Variants in FAM184A observed in about 807,000 individuals in gnomAD.
FAM184A encodes the protein protein FAM184A.
Under a neutral mutation model 143.8 loss-of-function variants are expected in FAM184A, and 99 were observed. The ratio of observed to expected loss-of-function variants is 0.69; its 90% CI spans 0.58 to 0.81. FAM184A has a LOEUF of 0.81. Among genes scored for constraint, FAM184A ranks in the 40% least tolerant of loss-of-function variants. The probability of loss-of-function intolerance (pLI) is 0.00; values close to 1 mark genes in which losing one functional copy is unlikely to be tolerated. For missense variants in FAM184A, 1,217 were observed against 1,310.5 expected (o/e 0.93, Z 1.10); for synonymous variants, 427 against 446.4 (o/e 0.96, Z 0.55).
rs778946231 is a variant in FAM184A at position 119,011,329 on chromosome 6, A to G, written c.1633T>C (p.Leu545=). 1 of 1,609,062 alleles carries G rather than the reference A, an allele frequency of 6.2e-7. No homozygotes were observed. The highest frequency in any genetic ancestry group is 1.1e-5 in the South Asian group (1 of 89,924). Residue 545 remains leucine (L), a synonymous_variant, in exon 6 of 18, where the codon TTG becomes CTG. Transcript: ENST00000338891. ...ENLKEVLEDK[L]NTANQEIGHL... is the part of the protein sequence containing the mutation. ...CTTGCCTCTTGATTGGCTGTATTCA[A>G]CTTGTCTTCCAGTACTTCCTTTAGG...
chr6:119,091,406 C>A (rs1788363378), intron 1 of FAM184A, among the ~76,000 whole-genome samples: 1 of 152,150 alleles, frequency 6.6e-6, no homozygotes, highest in African/African-American at 2.4e-5. Flanking sequence ...AAATCCTAAT[C>A]ATGCAGAGTA....
At chr6:118,985,124 A>G (rs1379922143) in intron 9 of FAM184A, among the ~76,000 whole-genome samples, 1 of 152,160 alleles carries the variant, frequency 6.6e-6, no homozygotes, top group Non-Finnish European at 1.5e-5. Context: ...TCTTACCTAG[A>G]TCATGTGTAA....
intron 9 of FAM184A, among the ~76,000 whole-genome samples, chr6:118,995,698 CTTAATACT>C (rs1450320903): frequency 3.3e-5 from 5 of 152,108 alleles, no homozygotes; most frequent in Non-Finnish European, 7.4e-5. Context: ...TTAGGTTATG[CTTAATACT>C]TTTTCTCAGA....
At chr6:119,140,177 C>T (rs1772173580) in intron 1 of FAM184A, among the ~76,000 whole-genome samples, 2 of 152,144 alleles carry the variant, frequency 1.3e-5, no homozygotes, top group Non-Finnish European at 2.9e-5. Context: ...CAAGGTCATC[C>T]AGGAGGAAAA....
At chr6:119,078,925 T>C (rs1787982717), upstream of FAM184A, 1 of 152,738 alleles carries the variant, frequency 6.5e-6, no homozygotes. The surrounding 1 kb of genome is among the most constrained non-coding windows in gnomAD (Gnocchi z 5.5). Flanking sequence ...AGCCCAGCCC[T>C]GGCGGCGATC....
chr6:119,132,121 A>C (rs1181180145), intron 1 of FAM184A, among the ~76,000 whole-genome samples: 1 of 152,196 alleles, frequency 6.6e-6, no homozygotes, highest in African/African-American at 2.4e-5. Context: ...TCCCCCATAA[A>C]ACATTCCTTC....
intron 5 of FAM184A, 42 bp downstream of exon 5, chr6:119,016,705 T>C (rs1308417818): frequency 6.5e-7 from 1 of 1,528,132 alleles, no homozygotes; most frequent in Non-Finnish European, 9.1e-7. Context: ...TACAGAAATA[T>C]CATCAATTTA....
intron 1 of FAM184A, among the ~76,000 whole-genome samples, chr6:119,121,376 G>A (rs1789208144): frequency 6.6e-6 from 1 of 152,118 alleles, no homozygotes; most frequent in East Asian, 1.9e-4. Flanking sequence ...AGCTCAAGCA[G>A]TCAGCCCACC....
intron 12 of FAM184A, among the ~76,000 whole-genome samples, chr6:118,975,568 A>G (rs1783821695): frequency 6.6e-6 from 1 of 152,224 alleles, no homozygotes; most frequent in Admixed American, 6.5e-5. Context: ...ATTTTGAAGA[A>G]TAATTGTGGC....
chr6:119,138,122 T>G (rs1225901279), intron 1 of FAM184A, among the ~76,000 whole-genome samples: 3 of 152,200 alleles, frequency 2.0e-5, no homozygotes, highest in African/African-American at 7.2e-5. Flanking sequence ...TGATACATAC[T>G]ATGAAGGAAA....
chr6:119,119,935 G>A (rs1210257601), intron 1 of FAM184A, among the ~76,000 whole-genome samples: 1 of 152,204 alleles, frequency 6.6e-6, no homozygotes, highest in Non-Finnish European at 1.5e-5. Context: ...AGTGAGCCAT[G>A]ATTGTGCCGC....
intron 1 of FAM184A, among the ~76,000 whole-genome samples, chr6:119,028,048 T>A (rs917452761): frequency 6.6e-6 from 1 of 152,188 alleles, no homozygotes; most frequent in African/African-American, 2.4e-5. Context: ...TTGTATTGAT[T>A]TATGATTTTG....
chr6:119,037,735 C>T (rs1444911154), intron 1 of FAM184A, among the ~76,000 whole-genome samples: 1 of 152,026 alleles, frequency 6.6e-6, no homozygotes, highest in African/African-American at 2.4e-5. Context: ...TTTCTTTTTG[C>T]GTTTTATACT....
intron 1 of FAM184A, among the ~76,000 whole-genome samples, chr6:119,113,242 C>T (rs1173057656): frequency 6.6e-6 from 1 of 152,182 alleles, no homozygotes; most frequent in Admixed American, 6.5e-5. Flanking sequence ...AACATTACAA[C>T]TGTGGCCAGG....
chr6:119,060,298 A>G (rs1258992836), intron 1 of FAM184A, among the ~76,000 whole-genome samples: 7 of 152,164 alleles, frequency 4.6e-5, no homozygotes, highest in Admixed American at 4.6e-4. Flanking sequence ...GCTGGCATAT[A>G]TGAAAAGGGA....
At chr6:119,109,787 A>T (rs1170286472) in intron 1 of FAM184A, among the ~76,000 whole-genome samples, 1 of 151,770 alleles carries the variant, frequency 6.6e-6, no homozygotes, top group Non-Finnish European at 1.5e-5. Context: ...TCCTACTTCT[A>T]CTCCTAAATG....
At chr6:118,991,042 G>A (rs977143685) in intron 9 of FAM184A, among the ~76,000 whole-genome samples, 1 of 151,654 alleles carries the variant, frequency 6.6e-6, no homozygotes, top group African/African-American at 2.4e-5. Flanking sequence ...TAAAACAAAT[G>A]TATAAAAATT....
intron 1 of FAM184A, among the ~76,000 whole-genome samples, chr6:119,111,751 G>A (rs947418364): frequency 6.6e-6 from 1 of 152,142 alleles, no homozygotes; most frequent in African/African-American, 2.4e-5. Flanking sequence ...AATGTACTAC[G>A]AAAAATGCAT....
At chr6:119,148,335 C>T (rs113622698) in intron 1 of FAM184A, among the ~76,000 whole-genome samples, 3 of 152,312 alleles carry the variant, frequency 2.0e-5, no homozygotes, top group Admixed American at 6.5e-5. Context: ...GCTCCAGTTG[C>T]TATTTTATTT....
Sources: gnomAD v4.1 joint callset for allele counts (sites outside exome capture counted in the v4.1 genomes callset) on GRCh38, gnomAD v4.1.1 for gene constraint, Gnocchi (gnomAD v3.1) non-coding constraint, MANE v1.5 for transcripts, NCBI Gene and HGNC (gene_info 2026-07-23, HGNC 2026-07-21) for gene names.